The following LRRCC1 variants were observed in gnomAD, a reference collection of about 807,000 sequenced individuals.
LRRCC1 encodes the protein leucine-rich repeat and coiled-coil domain-containing protein 1.
Under a neutral mutation model 126.0 loss-of-function variants are expected in LRRCC1, and 115 were observed. The observed-to-expected ratio is 0.91, with a 90% CI of 0.78 to 1.07. LRRCC1 has a LOEUF of 1.07. Among genes scored for constraint, LRRCC1 ranks in the 50% least tolerant of loss-of-function variants. The pLI, the probability that LRRCC1 is intolerant of heterozygous loss-of-function variation, is 0.00. For synonymous variants in LRRCC1, 400 were observed against 393.4 expected (o/e 1.02, Z -0.20); for missense variants, 1,172 against 1,175.7 (o/e 1.00, Z 0.05).
At chr8:85,126,939 G>A (rs890583846) in intron 9 of LRRCC1, 102 bp downstream of exon 9, 6 of 1,004,386 alleles carry the variant, frequency 6.0e-6, no homozygotes, top group Non-Finnish European at 8.4e-6. Context: ...CAACAACAAT[G>A]TATGTGGTTT....
chr8:85,129,319 A>G lies in LRRCC1; in HGVS notation c.1566A>G (p.Arg522=). 6.2e-7 allele frequency: 1 copy of G among 1,613,264 alleles called. No individual in the cohort carries two copies. ...DQQEDHLKHL[R]TLEKTLEKME... is the part of the protein sequence containing the mutation. Reference sequence around the variant, plus strand: ...AAGAGGATCACCTTAAACACTTAAGAACCCTCGAAAAAACATTAGAAAAAA... The same window carrying G: ...AAGAGGATCACCTTAAACACTTAAGGACCCTCGAAAAAACATTAGAAAAAA... The change falls in exon 10 of 19, where the codon AGA becomes AGG. Residue 522 remains arginine, a synonymous_variant. Transcript: ENST00000360375.
chr8:85,107,404 A>G lies in LRRCC1; in HGVS notation c.104+5A>G. ...CATGGACAAAGGCTTGCAGAGGTAA[A>G]GGGCGCTCCGCAGCCAGGAGCGACC... On this transcript the variant is annotated splice_donor_5th_base_variant and intron_variant, in intron 1 of 18. Coordinates refer to ENST00000360375, the MANE Select transcript of LRRCC1 (RefSeq NM_033402.5). The G allele has an allele frequency of 6.2e-7, 1 of 1,602,910 alleles. No homozygotes were observed. Among genetic ancestry groups the G allele is most frequent in the Non-Finnish European group, 8.5e-7 (1 of 1,172,300 alleles).
chr8:85,143,257 T>G (rs557800800), intron 18 of LRRCC1, among the ~76,000 whole-genome samples: 1 of 151,412 alleles, frequency 6.6e-6, no homozygotes, highest in Admixed American at 6.6e-5. Context: ...GGAGGCAGAA[T>G]TGGTGGTGAG....
At chr8:85,132,477 C>T (rs376901451) in intron 12 of LRRCC1, among the ~76,000 whole-genome samples, 9 of 143,074 alleles carry the variant, frequency 6.3e-5, no homozygotes, top group East Asian at 2.2e-4. Flanking sequence ...ACTCCAATTT[C>T]TGCCTCCCAG....
chr8:85,129,279 A>T lies in LRRCC1; in HGVS notation c.1526A>T (p.Lys509Ile). Residue 509 changes from lysine (K) to isoleucine (I), a missense_variant, in exon 10 of 19, where the codon AAA becomes ATA. Transcript: ENST00000360375. Reference protein sequence around the residue: ...EIKKLTVELMKAKDQQEDHLK... With the variant: ...EIKKLTVELMIAKDQQEDHLK... The stretch of plus-strand genomic sequence containing the variant: ...AAAAAACTGACTGTTGAACTAATGA[A>T]AGCAAAAGATCAACAAGAGGATCAC... The T allele has an allele frequency of 6.2e-7, 1 of 1,613,690 alleles. No homozygotes were observed. The highest frequency in any genetic ancestry group is 8.5e-7 in the Non-Finnish European group (1 of 1,179,660).
intron 6 of LRRCC1, among the ~76,000 whole-genome samples, chr8:85,120,561 T>G (rs758831279): frequency 2.0e-5 from 3 of 152,240 alleles, no homozygotes; most frequent in African/African-American, 7.2e-5. Flanking sequence ...TTCACCCATT[T>G]GAAGTGTGCA....
chr8:85,126,934 A>G (rs199891209), intron 9 of LRRCC1, 97 bp downstream of exon 9: 2 of 1,035,070 alleles, frequency 1.9e-6, no homozygotes, highest in South Asian at 2.1e-5. Context: ...TCAATCAACA[A>G]CAATGTATGT....
intron 18 of LRRCC1, among the ~76,000 whole-genome samples, chr8:85,142,806 T>A (rs1811345713): frequency 7.2e-6 from 1 of 138,298 alleles, no homozygotes; most frequent in Admixed American, 7.8e-5. Context: ...CACTCTAGCC[T>A]GGACTACGGA....
chr8:85,125,448 C>T (rs1418498989), intron 8 of LRRCC1, among the ~76,000 whole-genome samples: 3 of 151,072 alleles, frequency 2.0e-5, no homozygotes, highest in Non-Finnish European at 3.0e-5. Context: ...CCGAGGCGGG[C>T]GGATCACGAG....
In LRRCC1 at chr8:85,124,794, G is replaced by A. The variant is rs996497805; in HGVS notation, c.1127G>A (p.Cys376Tyr). The A allele has an allele frequency of 5.8e-6, 9 of 1,539,444 alleles. No individual in the cohort carries two copies. Among genetic ancestry groups the A allele is most frequent in the South Asian group, 1.2e-5 (1 of 80,274 alleles). ...HNKNYNSFVS[C>Y]NRKMKPPYLK... ...TTTCTATGTTTCATTCTTTACAGTTGTAATCGTAAAATGAAACCACCTTAC... is the reference window on the plus strand; with the variant it reads ...TTTCTATGTTTCATTCTTTACAGTTATAATCGTAAAATGAAACCACCTTAC... Residue 376 changes from cysteine (C) to tyrosine (Y), a missense_variant and splice_region_variant, in exon 8 of 19, where the codon TGT becomes TAT. Coordinates refer to ENST00000360375, the MANE Select transcript of LRRCC1 (RefSeq NM_033402.5).
intron 4 of LRRCC1, among the ~76,000 whole-genome samples, chr8:85,114,218 C>A (rs902640713): frequency 6.7e-6 from 1 of 149,958 alleles, no homozygotes; most frequent in Non-Finnish European, 1.5e-5. Flanking sequence ...TCTGCTAAAC[C>A]CTCAAGTTGG....
chr8:85,129,360 GGCA>G lies in LRRCC1; in HGVS notation c.1615_1617del (p.Gln539del). On this transcript the variant is annotated inframe_deletion, in exon 10 of 19. Coordinates refer to ENST00000360375, the MANE Select transcript of LRRCC1 (RefSeq NM_033402.5). ...TTAGAAAAAATGGAGAGACAAAAAA[GGCA>G]GCAGCAGGCAGCACAGGTATTTCTC... 1 of 1,610,790 alleles carries G rather than the reference GGCA, an allele frequency of 6.2e-7. No individual in the cohort carries two copies. The highest frequency in any genetic ancestry group is 8.5e-7 in the Non-Finnish European group (1 of 1,179,150).
chr8:85,109,874 G>A, intron 2 of LRRCC1, 74 bp downstream of exon 2: 1 of 741,902 alleles, frequency 1.3e-6, no homozygotes, highest in South Asian at 2.4e-5. Context: ...CCAAAAGAAT[G>A]GAATAAATAT....
At chr8:85,107,586 G>C (rs1478796344) in intron 1 of LRRCC1, 187 bp downstream of exon 1, 1 of 508,440 alleles carries the variant, frequency 2.0e-6, no homozygotes, top group African/African-American at 1.9e-5. Flanking sequence ...TGAATGAGCC[G>C]TGGATGCCTT....
At position 85,131,946 on chromosome 8, in the gene LRRCC1, C is replaced by T. The variant is rs1009346305; in HGVS notation, c.1953C>T (p.Ala651=). The change falls in exon 12 of 19, where the codon GCC becomes GCT. Residue 651 remains alanine, a synonymous_variant. Transcript: ENST00000360375. ...TCCGTATTGCTTTAACTGTTGAAGCCAGAAGATTTCAAGATGTAAGAATTG... is the reference window on the plus strand; with the variant it reads ...TCCGTATTGCTTTAACTGTTGAAGCTAGAAGATTTCAAGATGTAAGAATTG... The part of the protein sequence containing the change: ...NEFRIALTVE[A]RRFQDVKDGF... 6.2e-7 allele frequency: 1 copy of T among 1,610,096 alleles called. No homozygotes were observed. The highest frequency in any genetic ancestry group is 8.5e-7 in the Non-Finnish European group (1 of 1,178,894).
intron 9 of LRRCC1, among the ~76,000 whole-genome samples, chr8:85,128,798 A>G: frequency 6.6e-6 from 1 of 152,154 alleles, no homozygotes; most frequent in Non-Finnish European, 1.5e-5. Flanking sequence ...AAATCTAGGA[A>G]TCTTTGTTTT....
At chr8:85,110,085 G>A (rs1469391712) in intron 2 of LRRCC1, 30 bp from the exon 3 acceptor site, 3 of 920,248 alleles carry the variant, frequency 3.3e-6, no homozygotes, top group Non-Finnish European at 4.9e-6. Flanking sequence ...TTTTATAAAG[G>A]CTTTATTTTA....
At chr8:85,115,061 T>A in intron 4 of LRRCC1, 39 bp from the exon 5 acceptor site, 3 of 1,471,558 alleles carry the variant, frequency 2.0e-6, no homozygotes, top group Non-Finnish European at 2.7e-6. Context: ...TGACTTTTTT[T>A]AATATTTCAG....
chr8:85,123,869 G>T (rs1488175052), intron 7 of LRRCC1, among the ~76,000 whole-genome samples: 5 of 152,028 alleles, frequency 3.3e-5, no homozygotes, highest in African/African-American at 1.2e-4. Flanking sequence ...TTTAGAACTG[G>T]AATACCTTAG....
Sources: allele counts gnomAD v4.1 joint callset (sites outside exome capture counted in the v4.1 genomes callset), GRCh38; gene constraint gnomAD v4.1.1; transcripts MANE v1.5; gene names NCBI Gene and HGNC (gene_info 2026-07-23, HGNC 2026-07-21).